Variants in CES2 observed in about 807,000 individuals in gnomAD.
CES2 encodes the protein cocaine esterase.
In CES2, 42 loss-of-function variants were observed where a neutral mutation model predicts 52.1. The observed-to-expected ratio is 0.81, with a 90% CI of 0.63 to 1.04. CES2 has a LOEUF of 1.04. CES2 is among the 50% of genes least tolerant of loss of function. The pLI, the probability that CES2 is intolerant of heterozygous loss-of-function variation, is 0.00. For synonymous variants in CES2, 277 were observed against 289.6 expected (o/e 0.96, Z 0.44); for missense variants, 656 against 724.3 (o/e 0.91, Z 1.08).
chr16:66,940,121 G>A, intron 3 of CES2, 101 bp from the exon 4 acceptor site: 1 of 1,489,132 alleles, frequency 6.7e-7, no homozygotes, highest in Non-Finnish European at 9.1e-7. Flanking sequence ...GAGATCTAAT[G>A]GGGAGGTAGA....
At chr16:66,940,835 G>A in intron 5 of CES2, 140 bp downstream of exon 5, 1 of 1,203,100 alleles carries the variant, frequency 8.3e-7, no homozygotes, top group South Asian at 1.6e-5. Flanking sequence ...TTGCTGGGGG[G>A]CTCCAGGGTC....
upstream of CES2, chr16:66,935,482 TC>T (rs767298699): frequency 6.2e-7 from 1 of 1,613,206 alleles, no homozygotes; most frequent in South Asian, 1.1e-5. Flanking sequence ...CACCCACCTT[TC>T]CCGGCCCAAG....
In CES2 at chr16:66,944,152, C is replaced by T. The variant is rs778504046; in HGVS notation, c.*127C>T. 2.1e-5 allele frequency: 11 copies of T among 522,778 alleles called. No individual in the cohort carries two copies. The highest frequency in any genetic ancestry group is 1.8e-4 in the Admixed American group (5 of 27,654). 32.4% of individuals were successfully genotyped at this position (522,778 alleles called of 1,614,324 possible). On this transcript the variant is annotated 3_prime_UTR_variant, in exon 12 of 12. Coordinates refer to ENST00000317091, the MANE Select transcript of CES2 (RefSeq NM_001365405.1). The stretch of plus-strand genomic sequence containing the variant: ...TCACTTCGCCATTCATTCATACTTC[C>T]GTCCATCCATTCAGAAAGCATTTAT...
intron 1 of CES2, 99 bp downstream of exon 1, chr16:66,935,810 T>C: frequency 5.7e-6 from 9 of 1,587,540 alleles, no homozygotes; most frequent in Non-Finnish European, 7.7e-6. Context: ...GCCTGGGAGG[T>C]AGGAGCTGGT....
intron 5 of CES2, 108 bp downstream of exon 5, chr16:66,940,803 G>T: frequency 7.2e-7 from 1 of 1,381,160 alleles, no homozygotes; most frequent in Non-Finnish European, 9.7e-7. Context: ...GCATGCTCCA[G>T]GAGCTGCTGC....
Position 66,941,318 on chromosome 16 carries a change from C to T in CES2, c.915+96C>T, listed in dbSNP as rs1963357927. On this transcript the variant is annotated intron_variant, in intron 6 of 11. Transcript: ENST00000317091. Reference sequence around the variant, plus strand: ...GTCATATTCCCTGGGCACATTACCTCATCTGCATGCCTGAGTGTCATAGCC... The same window carrying T: ...GTCATATTCCCTGGGCACATTACCTTATCTGCATGCCTGAGTGTCATAGCC... 8 of 1,543,316 alleles carry T rather than the reference C, an allele frequency of 5.2e-6. No homozygotes were observed. In the East Asian group the frequency reaches 1.9e-4, roughly 36 times the overall value.
At position 66,942,750 on chromosome 16, in the gene CES2, C is replaced by T. The variant is rs780308630; in HGVS notation, c.1385C>T (p.Pro462Leu). Residue 462 changes from proline (P) to leucine (L), a missense_variant, in exon 10 of 12, where the codon CCT becomes CTT. By Grantham distance (98) the Pro-to-Leu change is moderately conservative (BLOSUM62 -3). Transcript: ENST00000317091. ...HMKADHGDEL[P>L]FVFRSFFGGN... ...AAGGCAGACCATGGTGATGAGCTTC[C>T]TTTTGTTTTCAGAAGTTTCTTTGGG... 1.2e-6 allele frequency: 2 copies of T among 1,614,224 alleles called. No individual in the cohort carries two copies. The highest frequency in any genetic ancestry group is 1.7e-5 in the Admixed American group (1 of 60,034).
Position 66,943,712 on chromosome 16 carries a change from C to T in CES2, c.1494-127C>T. 1 of 721,530 alleles carries T rather than the reference C, an allele frequency of 1.4e-6. No homozygotes were observed. Among genetic ancestry groups the T allele is most frequent in the South Asian group, 2.1e-5 (1 of 48,158 alleles). The allele number at this position is 721,530 out of a possible 1,614,324, so 44.7% of individuals were successfully genotyped here. On this transcript the variant is annotated intron_variant, in intron 11 of 11. Transcript: ENST00000317091. The surrounding 1 kb of genome is among the most constrained non-coding windows in gnomAD (Gnocchi z 4.2). ...TATTTCCTGTTTCTGGAAGCCTCCCCACTCATTCCCCAAGCCCACCTGGCC... is the reference window on the plus strand; with the variant it reads ...TATTTCCTGTTTCTGGAAGCCTCCCTACTCATTCCCCAAGCCCACCTGGCC...
upstream of CES2, chr16:66,934,570 AGGCGCTGAGAAGGGACCACGGC>A: frequency 5.3e-6 from 4 of 759,080 alleles, no homozygotes; most frequent in Non-Finnish European, 8.2e-6. This position sits in a 1 kb window ranked among gnomAD's most constrained non-coding sequence, Gnocchi z 4.1. Context: ...CTGGAGCAGA[AGGCGCTGAGAAGGGACCACGGC>A]GGCGCTGGGT....
Position 66,940,549 on chromosome 16 carries a change from A to G in CES2, c.670A>G (p.Ile224Val). ...TGGAGGCAACCCTGACCGTGTCACC[A>G]TTTTTGGCGAGTCTGCGGGTGGCAC... Reference protein sequence around the residue: ...HFGGNPDRVTIFGESAGGTSV... With the variant: ...HFGGNPDRVTVFGESAGGTSV... The change falls in exon 5 of 12, where the codon ATT becomes GTT. Residue 224 changes from isoleucine to valine, a missense_variant. By Grantham distance (29) the Ile-to-Val change is conservative. Transcript: ENST00000317091. 6.2e-7 allele frequency: 1 copy of G among 1,614,150 alleles called. No individual in the cohort carries two copies. The highest frequency in any genetic ancestry group is 8.5e-7 in the Non-Finnish European group (1 of 1,180,028).
chr16:66,935,455 G>A (rs1348491461), upstream of CES2: 1 of 1,608,568 alleles, frequency 6.2e-7, no homozygotes, highest in Non-Finnish European at 8.5e-7. Context: ...TGACTGCTCA[G>A]TCCCGCTCTC....
chr16:66,935,472 C>T (rs761194317), upstream of CES2: 4 of 1,612,896 alleles, frequency 2.5e-6, no homozygotes, highest in Non-Finnish European at 3.4e-6. Flanking sequence ...TCTCCTACCA[C>T]ACCCACCTTT....
chr16:66,934,524 G>T (rs1567544994), upstream of CES2: 4 of 1,143,322 alleles, frequency 3.5e-6, no homozygotes, highest in East Asian at 5.3e-5. This position sits in a 1 kb window ranked among gnomAD's most constrained non-coding sequence, Gnocchi z 4.1. Flanking sequence ...CGGTGACCGC[G>T]GCCCTGGCTG....
intron 1 of CES2, chr16:66,935,979 A>G: frequency 7.2e-7 from 1 of 1,394,706 alleles, no homozygotes; most frequent in East Asian, 2.7e-5. Context: ...CAGGCCGGGT[A>G]GGCAGCCTGG....
chr16:66,941,700 G>T (rs555309652), intron 7 of CES2, 54 bp downstream of exon 7: 112 of 1,613,088 alleles, frequency 6.9e-5, no homozygotes, highest in Non-Finnish European at 9.1e-5. Flanking sequence ...GGTAGTGGGG[G>T]GTGTTCAGGG....
In CES2 at chr16:66,942,698, C is replaced by G; in HGVS notation, c.1333C>G (p.Leu445Val). 3 of 1,614,230 alleles carry G rather than the reference C, an allele frequency of 1.9e-6. No individual in the cohort carries two copies. Among genetic ancestry groups the G allele is most frequent in the Non-Finnish European group, 2.5e-6 (3 of 1,180,046 alleles). ...FYEFQHQPSWLKNIRPPHMKA... is the reference protein window; with the variant it reads ...FYEFQHQPSWVKNIRPPHMKA... ...CGAGTTCCAGCATCAGCCCAGCTGGCTCAAGAACATCAGGCCACCGCACAT... is the reference window on the plus strand; with the variant it reads ...CGAGTTCCAGCATCAGCCCAGCTGGGTCAAGAACATCAGGCCACCGCACAT... The change falls in exon 10 of 12, where the codon CTC becomes GTC. Residue 445 changes from leucine (L) to valine (V), a missense_variant. Transcript: ENST00000317091.
At chr16:66,938,473 C>T in intron 2 of CES2, 1 of 570,874 alleles carries the variant, frequency 1.8e-6, no homozygotes, top group South Asian at 2.1e-5. Context: ...ACATTGGCTC[C>T]AGGTGCCGAA....
At chr16:66,942,493 G>A (rs1433928637) in intron 9 of CES2, 155 bp from the exon 10 acceptor site, 13 of 871,104 alleles carry the variant, frequency 1.5e-5, no homozygotes, top group African/African-American at 3.4e-5. Flanking sequence ...GCAAAGAATC[G>A]CAAGTCCTTT....
At chr16:66,937,500 C>T (rs918052584) in intron 1 of CES2, among the ~76,000 whole-genome samples, 1 of 152,324 alleles carries the variant, frequency 6.6e-6, no homozygotes, top group African/African-American at 2.4e-5. Context: ...CCACACCCCG[C>T]CAATTTATTT....
Sources: allele counts gnomAD v4.1 joint callset (sites outside exome capture counted in the v4.1 genomes callset), GRCh38; gene constraint gnomAD v4.1.1; non-coding constraint Gnocchi (gnomAD v3.1); transcripts MANE v1.5; gene names NCBI Gene and HGNC (gene_info 2026-07-23, HGNC 2026-07-21).